Variants in NRG3 observed in about 807,000 individuals in gnomAD.
NRG3 encodes the protein pro-neuregulin-3, membrane-bound isoform.
In NRG3, 31 loss-of-function variants were observed where a neutral mutation model predicts 66.9. The ratio of observed to expected loss-of-function variants is 0.46; its 90% CI spans 0.35 to 0.63. The LOEUF (loss-of-function observed/expected upper bound fraction) is 0.63, where lower values mean the gene tolerates loss of function less well. Among genes scored for constraint, NRG3 ranks in the 20% least tolerant of loss-of-function variants. The pLI is 0.00. For missense variants in NRG3, 910 were observed against 878.9 expected (o/e 1.04, Z -0.45); for synonymous variants, 393 against 359.4 (o/e 1.09, Z -1.06).
intron 2 of NRG3, among the ~76,000 whole-genome samples, chr10:82,416,764 T>C (rs1229231417): frequency 6.6e-6 from 1 of 152,106 alleles, no homozygotes; most frequent in African/African-American, 2.4e-5. Flanking sequence ...TGCCTTTGCG[T>C]AGAGGATACC....
At chr10:82,316,976 G>T (rs11193663) in intron 1 of NRG3, among the ~76,000 whole-genome samples, 25,619 of 152,064 alleles carry the variant, frequency 0.17, 2,424 homozygotes, top group East Asian at 0.37. Context: ...TGTGTTCAGC[G>T]TGCAGGTCAT....
chr10:82,094,656 C>T (rs964694366), intron 1 of NRG3, among the ~76,000 whole-genome samples: 37 of 152,034 alleles, frequency 2.4e-4, no homozygotes, highest in Admixed American at 2.2e-3. Context: ...CATTTCATGG[C>T]GAGATATATA....
rs537630205 is a variant in NRG3 at position 82,808,644 on chromosome 10, C to T, written c.1028-56767C>T. Among the ~76,000 whole-genome samples the T allele has an allele frequency of 2.6e-5, 4 of 152,224 alleles. No homozygotes were observed. The South Asian group carries it at 8.3e-4, about 31-fold the overall frequency. On this transcript the variant is annotated intron_variant, in intron 3 of 8. Transcript: ENST00000372141. ...ACTTCATTAGCTTTTTCTGCAATGA[C>T]AAAACTTTTACCTATTTATGATTAA...
At chr10:82,133,432 C>T (rs1364217474) in intron 1 of NRG3, among the ~76,000 whole-genome samples, 2 of 152,076 alleles carry the variant, frequency 1.3e-5, no homozygotes, top group Non-Finnish European at 2.9e-5. Flanking sequence ...CTCAAGTAGA[C>T]CCCCGTGCCT....
At chr10:82,919,393 T>A (rs1846197393) in intron 4 of NRG3, among the ~76,000 whole-genome samples, 1 of 152,062 alleles carries the variant, frequency 6.6e-6, no homozygotes, top group Non-Finnish European at 1.5e-5. Context: ...AAATTTAAAA[T>A]TAAATGACAC....
At chr10:82,268,788 A>G (rs1339091121) in intron 1 of NRG3, among the ~76,000 whole-genome samples, 1 of 152,052 alleles carries the variant, frequency 6.6e-6, no homozygotes, top group Non-Finnish European at 1.5e-5. Context: ...GGATGGGGTA[A>G]TGGGGGATAG....
intron 2 of NRG3, among the ~76,000 whole-genome samples, chr10:82,481,373 C>T (rs1842257212): frequency 6.6e-6 from 1 of 152,054 alleles, no homozygotes; most frequent in Non-Finnish European, 1.5e-5. Flanking sequence ...TCTGATCCCC[C>T]TTATTTGCCA....
intron 1 of NRG3, among the ~76,000 whole-genome samples, chr10:81,945,343 T>A (rs1848755164): frequency 6.6e-6 from 1 of 152,032 alleles, no homozygotes; most frequent in East Asian, 1.9e-4. Context: ...CTCCTCCTTC[T>A]AAGTCTTCCC....
At chr10:82,910,863 T>C (rs1806533124) in intron 4 of NRG3, among the ~76,000 whole-genome samples, 2 of 152,232 alleles carry the variant, frequency 1.3e-5, no homozygotes, top group Admixed American at 6.5e-5. Context: ...AAGAATGCTG[T>C]ATATGCTGTT....
intron 2 of NRG3, among the ~76,000 whole-genome samples, chr10:82,589,272 T>C (rs1458972217): frequency 6.6e-6 from 1 of 152,200 alleles, no homozygotes; most frequent in African/African-American, 2.4e-5. Flanking sequence ...ACAGAACCTC[T>C]TTCTTTGGAT....
intron 1 of NRG3, among the ~76,000 whole-genome samples, chr10:82,022,108 T>G (rs2132763150): frequency 1.3e-5 from 2 of 152,174 alleles, no homozygotes; most frequent in South Asian, 4.1e-4. Context: ...ACATACTATG[T>G]GTGGTGTAAT....
At chr10:82,930,531 G>A (rs529181754) in intron 4 of NRG3, among the ~76,000 whole-genome samples, 6 of 152,278 alleles carry the variant, frequency 3.9e-5, no homozygotes, top group Admixed American at 1.3e-4. Flanking sequence ...GGGTCCCCAA[G>A]ATACTTGATT....
intron 1 of NRG3, among the ~76,000 whole-genome samples, chr10:82,157,909 T>C (rs761251960): frequency 1.3e-5 from 2 of 151,640 alleles, no homozygotes; most frequent in Non-Finnish European, 3.0e-5. Flanking sequence ...CATTATCAAG[T>C]GATGTTTTAG....
At chr10:82,243,250 C>A (rs1407861639) in intron 1 of NRG3, among the ~76,000 whole-genome samples, 1 of 151,822 alleles carries the variant, frequency 6.6e-6, no homozygotes, top group Admixed American at 6.6e-5. Flanking sequence ...AGTAAATATG[C>A]AAAAATCAAA....
At chr10:81,900,504 T>G (rs1184175211) in intron 1 of NRG3, among the ~76,000 whole-genome samples, 2 of 152,256 alleles carry the variant, frequency 1.3e-5, no homozygotes, top group African/African-American at 4.8e-5. Context: ...TGTCATGTCC[T>G]GAGATTTAGA....
chr10:82,825,545 C>T (rs372527152), intron 3 of NRG3, among the ~76,000 whole-genome samples: 21 of 152,268 alleles, frequency 1.4e-4, no homozygotes, highest in East Asian at 1.9e-4. Flanking sequence ...AGGGTTCTGA[C>T]GGCTGGCATC....
intron 3 of NRG3, among the ~76,000 whole-genome samples, chr10:82,815,288 G>A (rs935027903): frequency 1.3e-5 from 2 of 152,138 alleles, no homozygotes; most frequent in East Asian, 3.9e-4. Flanking sequence ...ATCTCACCTG[G>A]AACAACTGCT....
chr10:82,799,868 T>A (rs1009687898), intron 3 of NRG3: 3 of 152,342 alleles, frequency 2.0e-5, no homozygotes, highest in Admixed American at 6.5e-5. Flanking sequence ...ATTCCTCGTA[T>A]TCCCTAACAA....
chr10:81,945,637 T>A (rs2133136994), intron 1 of NRG3, among the ~76,000 whole-genome samples: 1 of 152,272 alleles, frequency 6.6e-6, no homozygotes, highest in Non-Finnish European at 1.5e-5. Flanking sequence ...CAGTAGGGGA[T>A]GGTGTTTTGG....
Sources: allele counts gnomAD v4.1 joint callset (sites outside exome capture counted in the v4.1 genomes callset), GRCh38; gene constraint gnomAD v4.1.1; transcripts MANE v1.5; gene names NCBI Gene and HGNC (gene_info 2026-07-23, HGNC 2026-07-21).